Variants in FRMD3 observed in about 807,000 individuals in gnomAD.
The protein encoded by FRMD3 is FERM domain containing 3, also known as FERM domain-containing protein 3.
In FRMD3, 33 loss-of-function variants were observed where a neutral mutation model predicts 70.2. The observed-to-expected ratio is 0.47, with a 90% CI of 0.36 to 0.63. FRMD3 has a LOEUF of 0.63. Among genes scored for constraint, FRMD3 ranks in the 20% least tolerant of loss-of-function variants. The pLI, the probability that FRMD3 is intolerant of heterozygous loss-of-function variation, is 0.00. For missense variants in FRMD3, 632 were observed against 711.4 expected (o/e 0.89, Z 1.27); for synonymous variants, 279 against 255.9 (o/e 1.09, Z -0.86).
chr9:83,479,457 G>GAGGA (rs568055207), intron 1 of FRMD3, among the ~76,000 whole-genome samples: 190 of 125,814 alleles, frequency 1.5e-3, no homozygotes, highest in Non-Finnish European at 2.5e-3. Context: ...GGGAGGGAGG[G>GAGGA]AGGAAGGAAG....
At position 83,246,485 on chromosome 9, in the gene FRMD3, C is replaced by A; in HGVS notation, c.*1433G>T. On this transcript the variant is annotated 3_prime_UTR_variant, in exon 14 of 14. Coordinates refer to ENST00000304195, the MANE Select transcript of FRMD3 (RefSeq NM_174938.6). Reference sequence around the variant, plus strand: ...GTCCCCTCTACAGTCTGGTTAGGGTCATGTCACTACTTTACCCAGGCTGAA... The same window carrying A: ...GTCCCCTCTACAGTCTGGTTAGGGTAATGTCACTACTTTACCCAGGCTGAA... The A allele has an allele frequency of 2.0e-6, 2 of 985,166 alleles. No individual in the cohort carries two copies. The highest frequency in any genetic ancestry group is 2.4e-6 in the Non-Finnish European group (2 of 829,846). The allele number at this position is 985,166 out of a possible 1,614,324, so 61.0% of individuals were successfully genotyped here.
Position 83,244,700 on chromosome 9 carries a change from T to C in FRMD3, c.*3218A>G, listed in dbSNP as rs923373773. The C allele has an allele frequency of 7.1e-5, 70 of 984,926 alleles. No homozygotes were observed. The highest frequency in any genetic ancestry group is 8.3e-5 in the Non-Finnish European group (69 of 829,652). 61.0% of individuals were successfully genotyped at this position (984,926 alleles called of 1,614,324 possible). A position where few individuals can be genotyped will look rare whatever the true frequency, so the allele number is the denominator to read the frequency against. On this transcript the variant is annotated 3_prime_UTR_variant, in exon 14 of 14. Coordinates refer to ENST00000304195, the MANE Select transcript of FRMD3 (RefSeq NM_174938.6). The stretch of plus-strand genomic sequence containing the variant: ...AACAATCTGGATGTTGACATAGAAA[T>C]GCAAATTTCACTATACAAAGGTAAG...
chr9:83,420,996 A>C (rs1003614019), intron 1 of FRMD3, among the ~76,000 whole-genome samples: 26 of 124,584 alleles, frequency 2.1e-4, no homozygotes, highest in Non-Finnish European at 4.0e-4. Flanking sequence ...GCTGGAGTGC[A>C]GTGGCGCGAT....
Position 83,311,985 on chromosome 9 carries a change from A to T in FRMD3, c.685-10T>A. ...TTGTGCCTGTTGAATCCTGAAAAAA[A>T]AAAAAAAGAAAAAAGAAAAATCTGT... On this transcript the variant is annotated splice_polypyrimidine_tract_variant and intron_variant, in intron 7 of 13. Transcript: ENST00000304195. 3 of 1,568,700 alleles carry T rather than the reference A, an allele frequency of 1.9e-6. No homozygotes were observed. The highest frequency in any genetic ancestry group is 2.6e-6 in the Non-Finnish European group (3 of 1,163,410).
chr9:83,274,140 A>G (rs1833714303), intron 13 of FRMD3, among the ~76,000 whole-genome samples: 2 of 152,154 alleles, frequency 1.3e-5, no homozygotes, highest in South Asian at 4.1e-4. Flanking sequence ...TTTTTAAATG[A>G]TATAAAAAGC....
rs117351624 is a variant in FRMD3 at position 83,497,336 on chromosome 9, C to T, written c.147+40749G>A. On this transcript the variant is annotated intron_variant, in intron 1 of 13. Coordinates refer to ENST00000304195, the MANE Select transcript of FRMD3 (RefSeq NM_174938.6). ...GGTAAATTAGCATTGTACCACCAAA[C>T]GTTCAAAATGAAATGGAAGTGAAAA... Among the ~76,000 whole-genome samples, 699 of 152,130 alleles carry T rather than the reference C, an allele frequency of 4.6e-3. 5 individuals carry two copies. The highest frequency in any genetic ancestry group is 0.021 in the East Asian group (107 of 5,182).
intron 2 of FRMD3, among the ~76,000 whole-genome samples, chr9:83,376,926 GCCCAA>G (rs1201639490): frequency 6.7e-6 from 1 of 150,268 alleles, no homozygotes; most frequent in Non-Finnish European, 1.5e-5. Flanking sequence ...TCCTAGGGGT[GCCCAA>G]CCGGCACCCG....
At chr9:83,534,915 C>G (rs553316223) in intron 1 of FRMD3, among the ~76,000 whole-genome samples, 2 of 152,304 alleles carry the variant, frequency 1.3e-5, no homozygotes, top group East Asian at 1.9e-4. Context: ...GGCCTTCAGT[C>G]ACTGGTTTAA....
chr9:83,526,562 ATACT>A (rs1299523594), intron 1 of FRMD3, among the ~76,000 whole-genome samples: 3 of 152,182 alleles, frequency 2.0e-5, no homozygotes, highest in Admixed American at 1.3e-4. Flanking sequence ...TGTAACAGAG[ATACT>A]TACTGATGCC....
chr9:83,472,118 T>C (rs1452964767), intron 1 of FRMD3, among the ~76,000 whole-genome samples: 1 of 152,106 alleles, frequency 6.6e-6, no homozygotes, highest in Non-Finnish European at 1.5e-5. Flanking sequence ...TTCCCAGCCC[T>C]ATTTTCCCCA....
chr9:83,266,624 T>C (rs1320844411), intron 13 of FRMD3, among the ~76,000 whole-genome samples: 1 of 152,164 alleles, frequency 6.6e-6, no homozygotes. Context: ...ATCTGAGCTC[T>C]GACCCTTTCA....
At position 83,323,851 on chromosome 9, in the gene FRMD3, A is replaced by G. The variant is rs200453163; in HGVS notation, c.597-10104T>C. On this transcript the variant is annotated intron_variant, in intron 6 of 13. Transcript: ENST00000304195. ...CTGGAAACCCTGGGAACTCTCACCT[A>G]TTGTTGGTGTGAACATAAGGTAGAG... 3.3e-5 allele frequency among the ~76,000 whole-genome samples: 5 copies of G among 152,334 alleles called. No individual in the cohort carries two copies. The East Asian group carries it at 7.7e-4, about 23-fold the overall frequency.
At chr9:83,568,080 T>C in the FRMD3 span, among the ~76,000 whole-genome samples, 1 of 152,222 alleles carries the variant, frequency 6.6e-6, no homozygotes, top group African/African-American at 2.4e-5. Flanking sequence ...TCCACATGGC[T>C]AGGGAGGCCT....
intron 1 of FRMD3, among the ~76,000 whole-genome samples, chr9:83,396,504 C>T (rs1825815848): frequency 6.6e-6 from 1 of 152,170 alleles, no homozygotes; most frequent in African/African-American, 2.4e-5. Context: ...CATCTGAGGG[C>T]TCTAGCTTGG....
At chr9:83,270,014 G>A (rs1833479022) in intron 13 of FRMD3, among the ~76,000 whole-genome samples, 1 of 152,132 alleles carries the variant, frequency 6.6e-6, no homozygotes, top group Non-Finnish European at 1.5e-5. Flanking sequence ...CCTTTCAAGA[G>A]GAACAAGAAA....
At chr9:83,343,088 C>A in intron 5 of FRMD3, 102 bp downstream of exon 5, 1 of 821,250 alleles carries the variant, frequency 1.2e-6, no homozygotes. Flanking sequence ...TCTCCAGCCA[C>A]AGACACAGGC....
intron 13 of FRMD3, among the ~76,000 whole-genome samples, chr9:83,259,225 AAC>A (rs1413173630): frequency 1.3e-5 from 2 of 152,204 alleles, no homozygotes; most frequent in Non-Finnish European, 2.9e-5. Flanking sequence ...ATACAGATGG[AAC>A]ACCTATTTAT....
chr9:83,352,475 A>C (rs1177935467), intron 3 of FRMD3, among the ~76,000 whole-genome samples: 1 of 152,206 alleles, frequency 6.6e-6, no homozygotes, highest in Admixed American at 6.5e-5. Flanking sequence ...AATGAGGCCC[A>C]GAACTGCTCC....
At position 83,254,925 on chromosome 9, in the gene FRMD3, G is replaced by T. The variant is rs192057741; in HGVS notation, c.1196-6409C>A. Reference sequence around the variant, plus strand: ...AAAAGCCCAGGACAAGACAGATTCAGAACTGAAACTGAATTCTACCAGAGG... The same window carrying T: ...AAAAGCCCAGGACAAGACAGATTCATAACTGAAACTGAATTCTACCAGAGG... On this transcript the variant is annotated intron_variant, in intron 13 of 13. Transcript: ENST00000304195. 6.3e-4 allele frequency among the ~76,000 whole-genome samples: 95 copies of T among 151,998 alleles called. 1 individual carries two copies. The highest frequency in any genetic ancestry group is 2.2e-3 in the African/African-American group (90 of 41,510).
Sources: allele counts gnomAD v4.1 joint callset (sites outside exome capture counted in the v4.1 genomes callset), GRCh38; gene constraint gnomAD v4.1.1; transcripts MANE v1.5; gene names NCBI Gene and HGNC (gene_info 2026-07-23, HGNC 2026-07-21).